The following TTC29 variants were observed in gnomAD, a reference collection of about 807,000 sequenced individuals.
TTC29 encodes tetratricopeptide repeat protein 29.
A neutral mutation model predicts 58.1 loss-of-function variants in TTC29; 49 were observed. The ratio of observed to expected loss-of-function variants is 0.84; its 90% CI spans 0.67 to 1.07. The LOEUF (loss-of-function observed/expected upper bound fraction) is 1.07, where lower values mean the gene tolerates loss of function less well. Ranked by LOEUF, TTC29 falls within the 50% of genes least tolerant of loss-of-function variation. The pLI is 0.00. For synonymous variants in TTC29, 209 were observed against 196.8 expected (o/e 1.06, Z -0.52); for missense variants, 582 against 555.6 (o/e 1.05, Z -0.48).
chr4:146,826,534 C>A (rs531873181), intron 9 of TTC29, among the ~76,000 whole-genome samples: 11 of 152,184 alleles, frequency 7.2e-5, no homozygotes, highest in African/African-American at 1.2e-4. Context: ...TTCTGGCCAC[C>A]CTTAACAGTT....
intron 8 of TTC29, among the ~76,000 whole-genome samples, chr4:146,855,188 T>G (rs1729761500): frequency 6.6e-6 from 1 of 152,144 alleles, no homozygotes; most frequent in Non-Finnish European, 1.5e-5. Flanking sequence ...CCAGCAGCAC[T>G]TTGGGAGACT....
chr4:146,847,913 G>C (rs1729277986), intron 8 of TTC29, among the ~76,000 whole-genome samples: 1 of 152,224 alleles, frequency 6.6e-6, no homozygotes, highest in Non-Finnish European at 1.5e-5. Flanking sequence ...TGTATGGGAT[G>C]CTTTGGTGCC....
chr4:146,750,649 C>T lies in TTC29; in HGVS notation c.1331-43098G>A, dbSNP rs542053335. On this transcript the variant is annotated intron_variant, in intron 11 of 12. Coordinates refer to ENST00000325106, the MANE Select transcript of TTC29 (RefSeq NM_031956.4). ...TATGCAACAGAGGTTAAATTATTATCGGCTTAGAATAGCAGATTATAAGAT... is the reference window on the plus strand; with the variant it reads ...TATGCAACAGAGGTTAAATTATTATTGGCTTAGAATAGCAGATTATAAGAT... Among the ~76,000 whole-genome samples the T allele has an allele frequency of 6.0e-4, 91 of 152,202 alleles. 1 individual carries two copies. The highest frequency in any genetic ancestry group is 1.9e-3 in the African/African-American group (80 of 41,534).
rs541914826 is a variant in TTC29, at chr4:146,822,323, G to A, written c.978-2075C>T. On this transcript the variant is annotated intron_variant, in intron 9 of 12. Coordinates refer to ENST00000325106, the MANE Select transcript of TTC29 (RefSeq NM_031956.4). Reference sequence around the variant, plus strand: ...GTGTTCAACTCCCACTTGTGTGAGTGAGAACATGTGGTGTTTGGTTTTCTG... The same window carrying A: ...GTGTTCAACTCCCACTTGTGTGAGTAAGAACATGTGGTGTTTGGTTTTCTG... Among the ~76,000 whole-genome samples the A allele has an allele frequency of 8.5e-5, 13 of 152,246 alleles. No individual in the cohort carries two copies. In the South Asian group the frequency reaches 2.7e-3, roughly 32 times the overall value.
intron 4 of TTC29, among the ~76,000 whole-genome samples, chr4:146,915,820 C>G (rs1471146420): frequency 6.6e-6 from 1 of 151,600 alleles, no homozygotes; most frequent in Non-Finnish European, 1.5e-5. Context: ...TGAAGCTTTA[C>G]AGTCAGTGAA....
At chr4:146,823,226 T>C (rs767566275) in intron 9 of TTC29, among the ~76,000 whole-genome samples, 2 of 152,222 alleles carry the variant, frequency 1.3e-5, no homozygotes, top group Non-Finnish European at 2.9e-5. Flanking sequence ...CTAGGGTTTT[T>C]ATGGTTTGGG....
At chr4:146,807,458 T>G (rs559587536) in intron 10 of TTC29, among the ~76,000 whole-genome samples, 2 of 152,252 alleles carry the variant, frequency 1.3e-5, no homozygotes, top group South Asian at 4.1e-4. Context: ...GGAGCTGGTT[T>G]TTTGAAAAGA....
intron 11 of TTC29, among the ~76,000 whole-genome samples, chr4:146,765,836 G>T (rs1747275151): frequency 6.6e-6 from 1 of 152,012 alleles, no homozygotes; most frequent in South Asian, 2.1e-4. Flanking sequence ...GTCTGGGAGT[G>T]CAAATTCAAA....
chr4:146,782,634 T>C lies in TTC29; in HGVS notation c.1330+20823A>G, dbSNP rs1163950064. ...GACTGATGAAGACTGATGAAGAAAA[T>C]GTTTTTCACATATCAATGTAATCTA... On this transcript the variant is annotated intron_variant, in intron 11 of 12. Coordinates refer to ENST00000325106, the MANE Select transcript of TTC29 (RefSeq NM_031956.4). Among the ~76,000 whole-genome samples the C allele has an allele frequency of 5.9e-5, 9 of 152,048 alleles. No individual in the cohort carries two copies. The East Asian group carries it at 1.7e-3, about 29-fold the overall frequency.
intron 6 of TTC29, among the ~76,000 whole-genome samples, chr4:146,888,384 C>T (rs534722340): frequency 9.9e-5 from 15 of 152,154 alleles, no homozygotes; most frequent in Middle Eastern, 3.4e-3. Context: ...TGAATGGGTT[C>T]GCTAACATGG....
chr4:146,788,561 T>C (rs540542772), intron 11 of TTC29, among the ~76,000 whole-genome samples: 177 of 152,108 alleles, frequency 1.2e-3, no homozygotes, highest in African/African-American at 3.9e-3. Context: ...AAAGAAAAAC[T>C]TCCCACACCA....
intron 6 of TTC29, among the ~76,000 whole-genome samples, chr4:146,887,159 T>C (rs957656734): frequency 1.3e-5 from 2 of 152,260 alleles, no homozygotes; most frequent in African/African-American, 2.4e-5. Flanking sequence ...TGCCTATAGA[T>C]AATAATATTT....
chr4:146,881,901 A>G lies in TTC29; in HGVS notation c.587-6973T>C, dbSNP rs117622770. Among the ~76,000 whole-genome samples, 32 of 152,194 alleles carry G rather than the reference A, an allele frequency of 2.1e-4. 1 individual carries two copies. In the East Asian group the frequency reaches 6.0e-3, roughly 28 times the overall value. On this transcript the variant is annotated intron_variant, in intron 6 of 12. Coordinates refer to ENST00000325106, the MANE Select transcript of TTC29 (RefSeq NM_031956.4). ...ATGTGCCCATAACTTTTGAGTAGCTACTTTTAGATATTTAGATGAAATATA... is the reference window on the plus strand; with the variant it reads ...ATGTGCCCATAACTTTTGAGTAGCTGCTTTTAGATATTTAGATGAAATATA...
chr4:146,789,517 C>T (rs1749274102), intron 11 of TTC29, among the ~76,000 whole-genome samples: 2 of 152,160 alleles, frequency 1.3e-5, no homozygotes, highest in Non-Finnish European at 2.9e-5. Flanking sequence ...GTTTAATTTT[C>T]CACAGGGTAT....
At chr4:146,768,717 A>G (rs1329886885) in intron 11 of TTC29, among the ~76,000 whole-genome samples, 2 of 152,008 alleles carry the variant, frequency 1.3e-5, no homozygotes, top group Admixed American at 1.3e-4. Context: ...AATAGGAGCA[A>G]TAAGTTCACT....
At chr4:146,740,669 G>A (rs1745062279) in intron 11 of TTC29, among the ~76,000 whole-genome samples, 1 of 151,880 alleles carries the variant, frequency 6.6e-6, no homozygotes, top group Non-Finnish European at 1.5e-5. Context: ...GTTCATTAAG[G>A]AAAATCTAAA....
chr4:146,926,745 G>A (rs1042278017), intron 4 of TTC29, among the ~76,000 whole-genome samples: 6 of 152,166 alleles, frequency 3.9e-5, no homozygotes, highest in South Asian at 2.1e-4. Flanking sequence ...TTACAGACGC[G>A]AACCACCACG....
intron 11 of TTC29, among the ~76,000 whole-genome samples, chr4:146,786,557 C>T (rs1579669869): frequency 6.6e-6 from 1 of 152,256 alleles, no homozygotes; most frequent in African/African-American, 2.4e-5. Flanking sequence ...ATAGAACAGC[C>T]TTCTGTACAG....
At chr4:146,941,457 C>G (rs1413799170) in intron 2 of TTC29, among the ~76,000 whole-genome samples, 2 of 152,156 alleles carry the variant, frequency 1.3e-5, no homozygotes, top group Non-Finnish European at 2.9e-5. Flanking sequence ...TCTGATTTCA[C>G]AGACTTTGCA....
Sources: gnomAD v4.1 joint callset for allele counts (sites outside exome capture counted in the v4.1 genomes callset) on GRCh38, gnomAD v4.1.1 for gene constraint, MANE v1.5 for transcripts, NCBI Gene and HGNC (gene_info 2026-07-23, HGNC 2026-07-21) for gene names.